The following EPHA6 variants were observed in gnomAD, a reference collection of about 807,000 sequenced individuals.
EPHA6 encodes EPH receptor A6.
EPHA6 carries 50 observed loss-of-function variants against 112.0 expected under a neutral mutation model. That is an observed-to-expected ratio of 0.45 (90% CI 0.36 to 0.56). The LOEUF (loss-of-function observed/expected upper bound fraction) is 0.56. EPHA6 is among the 20% of genes least tolerant of loss of function. EPHA6 has a pLI of 0.00. For synonymous variants in EPHA6, 529 were observed against 490.7 expected (o/e 1.08, Z -1.03); for missense variants, 1,280 against 1,417.4 (o/e 0.90, Z 1.56).
chr3:96,881,914 C>G (rs1280131061), intron 2 of EPHA6, among the ~76,000 whole-genome samples: 2 of 152,208 alleles, frequency 1.3e-5, no homozygotes, highest in African/African-American at 2.4e-5. Flanking sequence ...TCCTTTGACT[C>G]CATGTCTCAC....
rs569552154 is a variant in EPHA6 at position 97,191,646 on chromosome 3, G to A, written c.1115-34618G>A. Among the ~76,000 whole-genome samples, 77 of 152,184 alleles carry A rather than the reference G, an allele frequency of 5.1e-4. 2 individuals carry two copies. The East Asian group carries it at 0.013, about 26-fold the overall frequency. The stretch of plus-strand genomic sequence containing the variant: ...TCCATCTATGTTGTTGCAAGTGACA[G>A]AATCTCATTTTCTTTCACGGCTGAC... On this transcript the variant is annotated intron_variant, in intron 3 of 17. Coordinates refer to ENST00000389672, the MANE Select transcript of EPHA6 (RefSeq NM_001080448.3).
intron 5 of EPHA6, among the ~76,000 whole-genome samples, chr3:97,308,760 A>G (rs1308913072): frequency 2.0e-5 from 3 of 151,786 alleles, no homozygotes; most frequent in African/African-American, 4.8e-5. Flanking sequence ...AATATTAGTA[A>G]GTTATAGATA....
chr3:97,027,102 G>A (rs1022256265), intron 3 of EPHA6, among the ~76,000 whole-genome samples: 16 of 152,246 alleles, frequency 1.1e-4, no homozygotes, highest in African/African-American at 2.4e-4. Flanking sequence ...GGAATACAAC[G>A]TAGCCATAAA....
At chr3:97,144,741 C>G (rs2075997482) in intron 3 of EPHA6, among the ~76,000 whole-genome samples, 1 of 151,372 alleles carries the variant, frequency 6.6e-6, no homozygotes, top group South Asian at 2.1e-4. Flanking sequence ...AGTAACTTTT[C>G]TAATATATCT....
intron 3 of EPHA6, among the ~76,000 whole-genome samples, chr3:97,175,889 T>G (rs2108439044): frequency 6.6e-6 from 1 of 152,006 alleles, no homozygotes; most frequent in Middle Eastern, 3.4e-3. Flanking sequence ...TTAGATGCCC[T>G]TTATAACCTT....
chr3:97,677,938 A>G (rs1022065075), intron 14 of EPHA6, among the ~76,000 whole-genome samples: 1 of 152,084 alleles, frequency 6.6e-6, no homozygotes, highest in Non-Finnish European at 1.5e-5. Flanking sequence ...AATTAAGGGG[A>G]CATTAATTCG....
At chr3:97,333,785 CTA>C (rs1358934953) in intron 5 of EPHA6, among the ~76,000 whole-genome samples, 1 of 151,940 alleles carries the variant, frequency 6.6e-6, no homozygotes, top group Non-Finnish European at 1.5e-5. Context: ...GGCCCACTCT[CTA>C]TGTTTTTACC....
At chr3:97,060,950 A>AAAAAAG (rs2046002254) in intron 3 of EPHA6, among the ~76,000 whole-genome samples, 5 of 148,888 alleles carry the variant, frequency 3.4e-5, no homozygotes, top group East Asian at 2.0e-4. Context: ...AAAAAAAAAA[A>AAAAAAG]GTCAGCTAAC....
intron 3 of EPHA6, among the ~76,000 whole-genome samples, chr3:97,076,453 G>A (rs2108179044): frequency 6.6e-6 from 1 of 152,208 alleles, no homozygotes; most frequent in South Asian, 2.1e-4. Context: ...AAGAAAAGTT[G>A]GAAGCTGACA....
chr3:97,034,971 A>G (rs1212068525), intron 3 of EPHA6, among the ~76,000 whole-genome samples: 2 of 152,010 alleles, frequency 1.3e-5, no homozygotes, highest in Admixed American at 1.3e-4. Flanking sequence ...ATATTTTTAC[A>G]TACAATAGTT....
At chr3:97,432,724 G>A (rs1163836020) in intron 6 of EPHA6, among the ~76,000 whole-genome samples, 1 of 152,184 alleles carries the variant, frequency 6.6e-6, no homozygotes, top group Non-Finnish European at 1.5e-5. Context: ...GTAAGGCAAA[G>A]AAGAAGCAAG....
chr3:96,954,773 CTTTTTTTTTTTTTTTT>C lies in EPHA6; in HGVS notation c.451-32541_451-32526del, dbSNP rs10612575. ...TAGTCTTAAATTTTTACTGGTGTGC[CTTTTTTTTTTTTTTTT>C]TTTTTTTTTTTTTTTGAGACGGAGT... On this transcript the variant is annotated intron_variant, in intron 2 of 17. Coordinates refer to ENST00000389672, the MANE Select transcript of EPHA6 (RefSeq NM_001080448.3). Among the ~76,000 whole-genome samples the C allele has an allele frequency of 5.5e-5, 4 of 72,686 alleles. 1 individual carries two copies. The highest frequency in any genetic ancestry group is 1.1e-4 in the African/African-American group (2 of 18,168). 47.7% of individuals were successfully genotyped at this position (72,686 alleles called of 152,430 possible).
At chr3:97,055,113 A>G (rs1191793353) in intron 3 of EPHA6, among the ~76,000 whole-genome samples, 2 of 152,156 alleles carry the variant, frequency 1.3e-5, no homozygotes, top group East Asian at 1.9e-4. Context: ...TCAGAGATAT[A>G]TTCTAGGCAA....
intron 5 of EPHA6, among the ~76,000 whole-genome samples, chr3:97,361,738 G>C (rs1163127040): frequency 6.6e-6 from 1 of 152,082 alleles, no homozygotes; most frequent in African/African-American, 2.4e-5. Flanking sequence ...TCTGTGAATG[G>C]ATTAATCCCT....
At chr3:97,210,049 TTAATA>T (rs1389638967) in intron 3 of EPHA6, among the ~76,000 whole-genome samples, 8 of 152,206 alleles carry the variant, frequency 5.3e-5, no homozygotes, top group African/African-American at 1.9e-4. Flanking sequence ...AGAAATATGG[TTAATA>T]TAATATAAAA....
intron 3 of EPHA6, among the ~76,000 whole-genome samples, chr3:97,126,009 T>G (rs1374240555): frequency 6.6e-6 from 1 of 152,204 alleles, no homozygotes; most frequent in Admixed American, 6.5e-5. Context: ...AAAATGAGAC[T>G]TATTCAAGAT....
chr3:97,574,264 A>G (rs2093361827), intron 11 of EPHA6, among the ~76,000 whole-genome samples: 1 of 152,176 alleles, frequency 6.6e-6, no homozygotes, highest in Non-Finnish European at 1.5e-5. Flanking sequence ...TGAGCAGCTA[A>G]TAGAATGCTA....
At chr3:97,331,870 C>G (rs1298761740) in intron 5 of EPHA6, among the ~76,000 whole-genome samples, 2 of 152,194 alleles carry the variant, frequency 1.3e-5, no homozygotes, top group Non-Finnish European at 2.9e-5. Context: ...CTATTCTAAT[C>G]AATAGAAAAA....
chr3:97,145,200 A>C (rs1381843482), intron 3 of EPHA6, among the ~76,000 whole-genome samples: 2 of 151,492 alleles, frequency 1.3e-5, no homozygotes, highest in African/African-American at 4.8e-5. Context: ...ATACATGTCA[A>C]ATAAAACTAT....
Sources: allele counts gnomAD v4.1 joint callset (sites outside exome capture counted in the v4.1 genomes callset), GRCh38; gene constraint gnomAD v4.1.1; transcripts MANE v1.5; gene names NCBI Gene and HGNC (gene_info 2026-07-23, HGNC 2026-07-21).